The following HACD2 variants were observed in gnomAD, a reference collection of about 807,000 sequenced individuals.
HACD2 encodes the protein very-long-chain (3R)-3-hydroxyacyl-CoA dehydratase 2.
In HACD2, 15 loss-of-function variants were observed where a neutral mutation model predicts 31.0. The ratio of observed to expected loss-of-function variants is 0.48; its 90% CI spans 0.32 to 0.75. The LOEUF is 0.75. Among genes scored for constraint, HACD2 ranks in the 30% least tolerant of loss-of-function variants. The pLI is 0.03. For synonymous variants in HACD2, 115 were observed against 122.2 expected, an observed-to-expected ratio of 0.94 and a Z score of 0.39; for missense variants, 283 against 313.0, an observed-to-expected ratio of 0.90 and a Z score of 0.72.
chr3:123,571,473 GAGGGATTC>G (rs2107752559), intron 2 of HACD2, among the ~76,000 whole-genome samples: 1 of 152,326 alleles, frequency 6.6e-6, no homozygotes, highest in African/African-American at 2.4e-5. Context: ...CAAAGAACAA[GAGGGATTC>G]AGCAGGCCAC....
chr3:123,580,173 AAAAAAG>A (rs1375750739), intron 2 of HACD2, among the ~76,000 whole-genome samples: 1 of 151,854 alleles, frequency 6.6e-6, no homozygotes, highest in African/African-American at 2.4e-5. Context: ...TGTCAAAAAA[AAAAAAG>A]AAAAAAGAAA....
intron 3 of HACD2, among the ~76,000 whole-genome samples, chr3:123,545,584 T>C (rs919009238): frequency 6.8e-6 from 1 of 147,348 alleles, no homozygotes; most frequent in Non-Finnish European, 1.5e-5. Context: ...CTTGATTTAA[T>C]AGTCACCATA....
Position 123,494,903 on chromosome 3 carries a change from G to C in HACD2, c.750C>G (p.His250Gln). 1.3e-6 allele frequency: 2 copies of C among 1,555,008 alleles called. No homozygotes were observed. Among genetic ancestry groups the C allele is most frequent in the Non-Finnish European group, 1.7e-6 (2 of 1,146,960 alleles). The change falls in exon 7 of 7, where the codon CAC (histidine) becomes CAG (glutamine). Residue 250 changes from histidine (H) to glutamine (Q), a missense_variant. By Grantham distance (24) the His-to-Gln change is conservative. Around this residue, in one of 3 missense-constraint regions of HACD2, gnomAD observed 40 missense variants for 35.1 expected, o/e 1.14. Transcript: ENST00000383657. ...AAAGCAGGAACTATTCAAATTTCTTGTGTTCTTCAGTATGAGAAAGGATCT... is the reference window on the plus strand; with the variant it reads ...AAAGCAGGAACTATTCAAATTTCTTCTGTTCTTCAGTATGAGAAAGGATCT... ...RRKILSHTEE[H>Q]KKFE
chr3:123,556,441 A>G (rs979479144), intron 3 of HACD2, among the ~76,000 whole-genome samples: 56 of 151,990 alleles, frequency 3.7e-4, no homozygotes, highest in African/African-American at 1.3e-3. Flanking sequence ...CGTCTCAAAA[A>G]AAAAAAAAAA....
At chr3:123,570,995 T>C (rs1485164652) in intron 2 of HACD2, among the ~76,000 whole-genome samples, 1 of 150,186 alleles carries the variant, frequency 6.7e-6, no homozygotes, top group Non-Finnish European at 1.5e-5. Context: ...ATGAAAGAAA[T>C]ACAATGAAAT....
intron 4 of HACD2, among the ~76,000 whole-genome samples, chr3:123,511,203 T>C (rs185279949): frequency 3.9e-5 from 6 of 152,312 alleles, no homozygotes; most frequent in African/African-American, 1.2e-4. Context: ...TCTTACTATA[T>C]GCCAAGCACT....
intron 4 of HACD2, among the ~76,000 whole-genome samples, chr3:123,504,052 G>A (rs1384541592): frequency 1.3e-5 from 2 of 152,184 alleles, no homozygotes; most frequent in Non-Finnish European, 2.9e-5. Context: ...ACTGTCAAGA[G>A]CAAGAGTACT....
intron 4 of HACD2, among the ~76,000 whole-genome samples, chr3:123,506,683 C>G (rs2055979507): frequency 6.6e-6 from 1 of 152,170 alleles, no homozygotes; most frequent in Non-Finnish European, 1.5e-5. Flanking sequence ...GATCCTCCCT[C>G]CTCGGCCTCC....
chr3:123,553,763 G>C (rs890088614), intron 3 of HACD2, among the ~76,000 whole-genome samples: 2 of 152,138 alleles, frequency 1.3e-5, no homozygotes, highest in African/African-American at 4.8e-5. Context: ...CAAATGAAGA[G>C]GGTGTTCTGG....
intron 3 of HACD2, among the ~76,000 whole-genome samples, chr3:123,549,740 C>G (rs1033558805): frequency 2.6e-5 from 4 of 151,958 alleles, no homozygotes; most frequent in African/African-American, 7.3e-5. Flanking sequence ...AGAGCAAGAC[C>G]CTGTCTCCAA....
chr3:123,540,743 G>A (rs187996672), intron 3 of HACD2, among the ~76,000 whole-genome samples: 46 of 152,206 alleles, frequency 3.0e-4, no homozygotes, highest in African/African-American at 1.1e-3. Context: ...ACCAGCAAGA[G>A]CACATCACAG....
chr3:123,565,765 ACT>A (rs771478736), intron 3 of HACD2, among the ~76,000 whole-genome samples: 24 of 152,018 alleles, frequency 1.6e-4, no homozygotes, highest in Non-Finnish European at 3.1e-4. Flanking sequence ...AGGTTCCAGA[ACT>A]CTCTCTGGCC....
intron 3 of HACD2, among the ~76,000 whole-genome samples, chr3:123,544,039 G>C (rs2056525049): frequency 6.6e-6 from 1 of 152,164 alleles, no homozygotes; most frequent in Non-Finnish European, 1.5e-5. Flanking sequence ...AGGGACTCTT[G>C]AGTGCTGTTC....
At chr3:123,506,875 G>A (rs532748561) in intron 4 of HACD2, among the ~76,000 whole-genome samples, 1 of 152,262 alleles carries the variant, frequency 6.6e-6, no homozygotes, top group African/African-American at 2.4e-5. Flanking sequence ...TTTTTGAGGG[G>A]CAACGGATTT....
At chr3:123,560,908 G>A (rs1361314860) in intron 3 of HACD2, among the ~76,000 whole-genome samples, 2 of 152,182 alleles carry the variant, frequency 1.3e-5, no homozygotes, top group Non-Finnish European at 2.9e-5. Context: ...AGAATTCCAG[G>A]AGAGAGAAAT....
intron 4 of HACD2, among the ~76,000 whole-genome samples, chr3:123,507,745 A>T (rs1227246287): frequency 6.6e-6 from 1 of 152,172 alleles, no homozygotes; most frequent in Non-Finnish European, 1.5e-5. Context: ...AATAAAAAAA[A>T]ATTTAAAAAA....
intron 4 of HACD2, among the ~76,000 whole-genome samples, chr3:123,505,583 T>C (rs2055964422): frequency 6.6e-6 from 1 of 152,148 alleles, no homozygotes; most frequent in Non-Finnish European, 1.5e-5. Flanking sequence ...TGGTGAACCA[T>C]AAGCCTCACA....
chr3:123,545,034 C>CAAAAAA (rs71142743), intron 3 of HACD2, among the ~76,000 whole-genome samples: 2 of 45,220 alleles, frequency 4.4e-5, no homozygotes, highest in African/African-American at 9.0e-5. Context: ...GACCCTGCCT[C>CAAAAAA]AAAAAAAAAA....
chr3:123,562,143 A>G (rs1354982904), intron 3 of HACD2, among the ~76,000 whole-genome samples: 2 of 152,202 alleles, frequency 1.3e-5, no homozygotes, highest in Non-Finnish European at 2.9e-5. Context: ...CTAAAAGGAA[A>G]AACACTGAAT....
Sources: gnomAD v4.1 joint callset for allele counts (sites outside exome capture counted in the v4.1 genomes callset) on GRCh38, gnomAD v4.1.1 for gene constraint, gnomAD v4.1.1 regional missense constraint, MANE v1.5 for transcripts, NCBI Gene and HGNC (gene_info 2026-07-23, HGNC 2026-07-21) for gene names.